Variants in DAAM1 observed in about 807,000 individuals in gnomAD.
The protein encoded by DAAM1 is dishevelled associated activator of morphogenesis 1, also known as disheveled-associated activator of morphogenesis 1.
A neutral mutation model predicts 130.0 loss-of-function variants in DAAM1; 52 were observed. That is an observed-to-expected ratio of 0.40 (90% CI 0.32 to 0.50). The LOEUF is 0.50. DAAM1 is among the 20% of genes least tolerant of loss of function. DAAM1 has a pLI of 0.61. For synonymous variants in DAAM1, 452 were observed against 444.5 expected (o/e 1.02, Z -0.21); for missense variants, 1,134 against 1,303.8 (o/e 0.87, Z 2.01).
intron 3 of DAAM1, among the ~76,000 whole-genome samples, chr14:59,302,327 A>G (rs1197947548): frequency 6.6e-6 from 1 of 152,222 alleles, no homozygotes; most frequent in Non-Finnish European, 1.5e-5. Flanking sequence ...AACAAAAATA[A>G]GTTAGCAATA....
chr14:59,339,952 C>T, intron 15 of DAAM1, 122 bp from the exon 16 acceptor site: 2 of 644,750 alleles, frequency 3.1e-6, no homozygotes, highest in Non-Finnish European at 2.5e-6. Flanking sequence ...ACCATTTCAG[C>T]CTTGCCCATG....
At chr14:59,327,522 C>G in intron 12 of DAAM1, among the ~76,000 whole-genome samples, 1 of 150,510 alleles carries the variant, frequency 6.6e-6, no homozygotes, top group South Asian at 2.1e-4. Context: ...ATTCTCCTGC[C>G]TCAGCCTCCC....
intron 15 of DAAM1, among the ~76,000 whole-genome samples, chr14:59,335,524 A>T (rs910608030): frequency 6.6e-6 from 1 of 152,182 alleles, no homozygotes; most frequent in Non-Finnish European, 1.5e-5. Context: ...TCATCCCTAG[A>T]TGCTATAAAT....
chr14:59,234,482 C>T (rs911641703), intron 1 of DAAM1, among the ~76,000 whole-genome samples: 5 of 152,140 alleles, frequency 3.3e-5, no homozygotes, highest in Non-Finnish European at 7.4e-5. Flanking sequence ...ATTTTGTATC[C>T]TGAGACTTTG....
intron 1 of DAAM1, among the ~76,000 whole-genome samples, chr14:59,251,277 G>A (rs1881628924): frequency 6.6e-6 from 1 of 152,206 alleles, no homozygotes; most frequent in African/African-American, 2.4e-5. Context: ...TCTAGAAAGT[G>A]TAAGATGTGG....
intron 2 of DAAM1, among the ~76,000 whole-genome samples, chr14:59,268,852 A>G (rs1296161259): frequency 6.6e-6 from 1 of 152,124 alleles, no homozygotes; most frequent in Non-Finnish European, 1.5e-5. Flanking sequence ...AATAACACTC[A>G]CCTATTGAAA....
chr14:59,277,554 C>G (rs1883025700), intron 2 of DAAM1, among the ~76,000 whole-genome samples: 1 of 151,306 alleles, frequency 6.6e-6, no homozygotes, highest in African/African-American at 2.4e-5. Flanking sequence ...AATATCATCT[C>G]CAAGAAGAAG....
chr14:59,367,952 T>C (rs558404940), intron 24 of DAAM1, among the ~76,000 whole-genome samples: 6 of 152,208 alleles, frequency 3.9e-5, no homozygotes, highest in African/African-American at 9.6e-5. Flanking sequence ...CTAAATGATA[T>C]AACAGCCATA....
chr14:59,207,643 T>A (rs1888303345), intron 1 of DAAM1, among the ~76,000 whole-genome samples: 2 of 152,178 alleles, frequency 1.3e-5, no homozygotes, highest in African/African-American at 2.4e-5. Flanking sequence ...AATGACAACA[T>A]CCTCGTGTTA....
At chr14:59,217,075 C>T (rs1888605907) in intron 1 of DAAM1, among the ~76,000 whole-genome samples, 2 of 151,992 alleles carry the variant, frequency 1.3e-5, no homozygotes, top group Non-Finnish European at 2.9e-5. Flanking sequence ...TTGACCTGGT[C>T]TTGGGAGAAA....
chr14:59,290,822 G>A (rs991309707), intron 2 of DAAM1, among the ~76,000 whole-genome samples: 5 of 152,256 alleles, frequency 3.3e-5, no homozygotes, highest in African/African-American at 9.6e-5. Context: ...GTTAGTGTTT[G>A]TGAAGCCATC....
intron 15 of DAAM1, among the ~76,000 whole-genome samples, chr14:59,334,398 C>T (rs181030594): frequency 4.8e-4 from 73 of 152,284 alleles, no homozygotes; most frequent in Non-Finnish European, 8.5e-4. Flanking sequence ...CTTTTCTACT[C>T]GCAAATGAAT....
chr14:59,290,145 A>T (rs1883677787), intron 2 of DAAM1, among the ~76,000 whole-genome samples: 1 of 152,210 alleles, frequency 6.6e-6, no homozygotes, highest in South Asian at 2.1e-4. Flanking sequence ...TAGAAAAAAA[A>T]TAAAAGACTG....
At position 59,277,696 on chromosome 14, in the gene DAAM1, A is replaced by G. The variant is rs1256142430; in HGVS notation, c.184-13521A>G. ...TCCTTTGACTTTTAAAACTCTATCC[A>G]TAGAGAATAACATGAAAAAAAAATT... On this transcript the variant is annotated intron_variant, in intron 2 of 24. Transcript: ENST00000360909. Among the ~76,000 whole-genome samples, 6 of 152,062 alleles carry G rather than the reference A, an allele frequency of 3.9e-5. 1 individual carries two copies. The highest frequency in any genetic ancestry group is 4.8e-5 in the African/African-American group (2 of 41,414).
intron 10 of DAAM1, 74 bp from the exon 11 acceptor site, chr14:59,326,436 C>T: frequency 2.0e-6 from 3 of 1,466,372 alleles, no homozygotes; most frequent in Non-Finnish European, 9.2e-7. Context: ...TAAAGGGTGA[C>T]CACCATTGAC....
At chr14:59,239,763 G>A (rs1889419807) in intron 1 of DAAM1, among the ~76,000 whole-genome samples, 1 of 152,102 alleles carries the variant, frequency 6.6e-6, no homozygotes, top group South Asian at 2.1e-4. Flanking sequence ...AAAATGACAG[G>A]GCGGGGGCCA....
intron 17 of DAAM1, among the ~76,000 whole-genome samples, chr14:59,349,568 A>C (rs1416770820): frequency 6.6e-6 from 1 of 152,164 alleles, no homozygotes; most frequent in Non-Finnish European, 1.5e-5. Context: ...CTCTTCCCAG[A>C]CAAGTGTTGA....
intron 1 of DAAM1, among the ~76,000 whole-genome samples, chr14:59,213,088 A>C (rs566258554): frequency 1.3e-5 from 2 of 150,888 alleles, no homozygotes; most frequent in African/African-American, 4.9e-5. Flanking sequence ...TAGTCTTTCC[A>C]TTTTGTCTTC....
chr14:59,198,567 C>T (rs1217606540), intron 1 of DAAM1, among the ~76,000 whole-genome samples: 1 of 152,086 alleles, frequency 6.6e-6, no homozygotes, highest in Non-Finnish European at 1.5e-5. Flanking sequence ...CAGCCTGATC[C>T]GGAAGGAGGG....
Sources: gnomAD v4.1 joint callset for allele counts (sites outside exome capture counted in the v4.1 genomes callset) on GRCh38, gnomAD v4.1.1 for gene constraint, MANE v1.5 for transcripts, NCBI Gene and HGNC (gene_info 2026-07-23, HGNC 2026-07-21) for gene names.